Variants in RGS7 observed in about 807,000 individuals in gnomAD.
The protein encoded by RGS7 is regulator of G-protein signaling 7.
Under a neutral mutation model 81.1 loss-of-function variants are expected in RGS7, and 27 were observed. The observed-to-expected ratio is 0.33, with a 90% confidence interval of 0.25 to 0.46. The LOEUF (loss-of-function observed/expected upper bound fraction) is 0.46. RGS7 is among the 20% of genes least tolerant of loss of function. The pLI, the probability that RGS7 is intolerant of heterozygous loss-of-function variation, is 1.00. For synonymous variants in RGS7, 208 were observed against 207.7 expected (o/e 1.00, Z -0.01); for missense variants, 396 against 607.4 (o/e 0.65, Z 3.66).
Position 241,180,913 on chromosome 1 carries a change from G to A in RGS7, c.79-82151C>T, listed in dbSNP as rs140906828. Among the ~76,000 whole-genome samples, 392 of 152,282 alleles carry A rather than the reference G, an allele frequency of 2.6e-3. 3 individuals carry two copies. Among genetic ancestry groups the A allele is most frequent in the African/African-American group, 8.0e-3 (332 of 41,556 alleles). On this transcript the variant is annotated intron_variant, in intron 2 of 18. Coordinates refer to ENST00000440928, the MANE Select transcript of RGS7 (RefSeq NM_001364886.1). ...ATAAATTGGGAAGAACAGTGTCTCC[G>A]GAAACTCCAATGCATGTTAGTAAGT... is the stretch of plus-strand genomic sequence containing the variant.
At chr1:241,355,612 A>C in intron 2 of RGS7, 87 bp downstream of exon 2, 1 of 1,157,762 alleles carries the variant, frequency 8.6e-7, no homozygotes, top group South Asian at 1.2e-5. Context: ...AAGGCCACAA[A>C]GTTGATACAT....
chr1:241,050,958 T>C (rs1424854282), intron 3 of RGS7, among the ~76,000 whole-genome samples: 1 of 152,146 alleles, frequency 6.6e-6, no homozygotes, highest in African/African-American at 2.4e-5. Context: ...AGTCAAAATT[T>C]ATTTGCAGAT....
At chr1:240,798,936 C>G (rs1461086318) in intron 18 of RGS7, among the ~76,000 whole-genome samples, 1 of 152,082 alleles carries the variant, frequency 6.6e-6, no homozygotes, top group Non-Finnish European at 1.5e-5. Flanking sequence ...TCCATCTTTA[C>G]TCCAGTAAGT....
intron 3 of RGS7, among the ~76,000 whole-genome samples, chr1:241,057,810 C>G (rs939267193): frequency 1.3e-5 from 2 of 152,036 alleles, no homozygotes; most frequent in African/African-American, 4.8e-5. Context: ...TACAGTGAGC[C>G]GGGATCACAC....
At chr1:241,022,474 G>C (rs1481630034) in intron 3 of RGS7, among the ~76,000 whole-genome samples, 1 of 152,168 alleles carries the variant, frequency 6.6e-6, no homozygotes, top group Non-Finnish European at 1.5e-5. Context: ...CCTGAGATTA[G>C]TGTTTGAGAT....
intron 3 of RGS7, among the ~76,000 whole-genome samples, chr1:241,030,358 T>C (rs578203700): frequency 2.8e-5 from 2 of 72,004 alleles, no homozygotes; most frequent in African/African-American, 1.1e-4. Context: ...CCAGAACTTA[T>C]AGCATATATA....
rs1440799244 is a variant in RGS7, at chr1:240,913,886, TG to T, written c.385+16830del. Among the ~76,000 whole-genome samples the T allele has an allele frequency of 5.3e-5, 8 of 152,192 alleles. No homozygotes were observed. The South Asian group carries it at 6.2e-4, about 12-fold the overall frequency. On this transcript the variant is annotated intron_variant, in intron 6 of 18. Coordinates refer to ENST00000440928, the MANE Select transcript of RGS7 (RefSeq NM_001364886.1). ...ATTCATTCTTCAAAATTCTTCCTTT[TG>T]TTTTTTTTGTTTTTTTAATTTTCTT...
chr1:241,140,185 C>T (rs2067830239), intron 2 of RGS7, among the ~76,000 whole-genome samples: 1 of 152,176 alleles, frequency 6.6e-6, no homozygotes, highest in Admixed American at 6.5e-5. Flanking sequence ...TCCTCTGCTC[C>T]CTCACTGTGG....
intron 2 of RGS7, among the ~76,000 whole-genome samples, chr1:241,218,271 C>T (rs1401037357): frequency 6.6e-6 from 1 of 152,132 alleles, no homozygotes; most frequent in Non-Finnish European, 1.5e-5. Flanking sequence ...GTGAGTTTCA[C>T]CAAAATAGGA....
At chr1:241,047,555 T>C (rs2060999723) in intron 3 of RGS7, among the ~76,000 whole-genome samples, 1 of 152,126 alleles carries the variant, frequency 6.6e-6, no homozygotes, top group African/African-American at 2.4e-5. Context: ...TTCAGCATTA[T>C]GAAATACAAC....
rs150547850 is a variant in RGS7, at chr1:241,349,855, A to C, written c.78+5844T>G. The stretch of plus-strand genomic sequence containing the variant: ...AAGTCACTAAACTGTCCAAATTCAA[A>C]GTATTTCCACATTCTCTGCAGTGAT... On this transcript the variant is annotated intron_variant, in intron 2 of 18. Coordinates refer to ENST00000440928, the MANE Select transcript of RGS7 (RefSeq NM_001364886.1). Among the ~76,000 whole-genome samples the C allele has an allele frequency of 2.9e-3, 437 of 152,314 alleles. 2 individuals carry two copies. The highest frequency in any genetic ancestry group is 0.01 in the African/African-American group (424 of 41,568).
chr1:241,003,364 G>T (rs2058513907), intron 3 of RGS7, among the ~76,000 whole-genome samples: 1 of 151,462 alleles, frequency 6.6e-6, no homozygotes, highest in East Asian at 2.0e-4. Context: ...GGGAGGCTGA[G>T]GCAGGAGAAT....
At chr1:241,286,246 C>T (rs2078802241) in intron 2 of RGS7, among the ~76,000 whole-genome samples, 1 of 152,126 alleles carries the variant, frequency 6.6e-6, no homozygotes, top group Non-Finnish European at 1.5e-5. Flanking sequence ...CCTTTAGGGA[C>T]CATTTTGCTG....
rs114671175 is a variant in RGS7, at chr1:241,188,635, G to C, written c.79-89873C>G. 1.1e-3 allele frequency among the ~76,000 whole-genome samples: 160 copies of C among 152,048 alleles called. 1 individual carries two copies. Among genetic ancestry groups the C allele is most frequent in the African/African-American group, 3.6e-3 (149 of 41,476 alleles). On this transcript the variant is annotated intron_variant, in intron 2 of 18. Transcript: ENST00000440928. ...AAAAATGCTTGAGATTATAAACCAC[G>C]ACAGAAACAAATAAAACCACCTCAT...
chr1:240,973,566 T>C (rs983662524), intron 4 of RGS7, among the ~76,000 whole-genome samples: 2 of 152,022 alleles, frequency 1.3e-5, no homozygotes, highest in African/African-American at 4.8e-5. Flanking sequence ...ACTTTATAAG[T>C]CCAAAACATT....
chr1:240,983,984 A>G (rs1685296277), intron 3 of RGS7, among the ~76,000 whole-genome samples: 1 of 152,228 alleles, frequency 6.6e-6, no homozygotes, highest in African/African-American at 2.4e-5. Flanking sequence ...ATGTATTTTT[A>G]TCTATGAATA....
intron 3 of RGS7, among the ~76,000 whole-genome samples, chr1:240,996,631 A>G (rs1019727235): frequency 2.6e-5 from 4 of 152,118 alleles, no homozygotes; most frequent in Admixed American, 6.5e-5. Flanking sequence ...GGTTTCCTTT[A>G]ATCAATTTTG....
At chr1:240,833,028 G>A (rs530951420) in intron 9 of RGS7, among the ~76,000 whole-genome samples, 1 of 151,562 alleles carries the variant, frequency 6.6e-6, no homozygotes, top group East Asian at 1.9e-4. Flanking sequence ...TATAAATTAG[G>A]AACAATAAGA....
At chr1:241,192,918 C>T (rs1306524882) in intron 2 of RGS7, among the ~76,000 whole-genome samples, 3 of 152,102 alleles carry the variant, frequency 2.0e-5, no homozygotes, top group Non-Finnish European at 4.4e-5. Flanking sequence ...TTTTCAGCAC[C>T]TACTTTTTAA....
Sources: gnomAD v4.1 joint callset for allele counts (sites outside exome capture counted in the v4.1 genomes callset) on GRCh38, gnomAD v4.1.1 for gene constraint, MANE v1.5 for transcripts, NCBI Gene and HGNC (gene_info 2026-07-23, HGNC 2026-07-21) for gene names.